TSPAN5: variants seen among roughly 807,000 people sequenced by gnomAD.
TSPAN5 encodes tetraspanin-5.
TSPAN5 carries 10 observed loss-of-function variants against 37.1 expected under a neutral mutation model. The observed-to-expected ratio is 0.27, with a 90% CI of 0.17 to 0.46. TSPAN5 has a LOEUF of 0.46. Ranked by LOEUF, TSPAN5 falls within the 20% of genes least tolerant of loss-of-function variation. The pLI is 1.00. For missense variants in TSPAN5, 195 were observed against 326.6 expected (o/e 0.60, Z 3.11); for synonymous variants, 110 against 118.9 (o/e 0.93, Z 0.48).
chr4:98,616,066 G>C (rs1756327868), intron 1 of TSPAN5, among the ~76,000 whole-genome samples: 1 of 152,038 alleles, frequency 6.6e-6, no homozygotes, highest in Non-Finnish European at 1.5e-5. Context: ...TCTTATCCAA[G>C]CACTAGGTGG....
chr4:98,578,160 GGTCAGGACACAGCCCAA>G (rs1417997470), intron 1 of TSPAN5, among the ~76,000 whole-genome samples: 1 of 152,140 alleles, frequency 6.6e-6, no homozygotes, highest in Non-Finnish European at 1.5e-5. Flanking sequence ...AAAGCTGTGT[GGTCAGGACACAGCCCAA>G]GTCTCACAGA....
At chr4:98,600,678 C>T (rs1755863191) in intron 1 of TSPAN5, among the ~76,000 whole-genome samples, 1 of 152,194 alleles carries the variant, frequency 6.6e-6, no homozygotes, top group Admixed American at 6.5e-5. Flanking sequence ...TGCTGTACCA[C>T]ATCCACTAAA....
At chr4:98,644,150 G>C (rs1757014693) in intron 1 of TSPAN5, among the ~76,000 whole-genome samples, 1 of 151,866 alleles carries the variant, frequency 6.6e-6, no homozygotes, top group South Asian at 2.1e-4. Context: ...TGAAATTGAT[G>C]TTTATTCACA....
chr4:98,610,163 T>C (rs917848685), intron 1 of TSPAN5, among the ~76,000 whole-genome samples: 2 of 152,142 alleles, frequency 1.3e-5, no homozygotes, highest in African/African-American at 4.8e-5. Context: ...GGAAACACAA[T>C]ACCGAGGAGC....
At chr4:98,572,074 A>G (rs1193141755) in intron 1 of TSPAN5, among the ~76,000 whole-genome samples, 1 of 152,136 alleles carries the variant, frequency 6.6e-6, no homozygotes, top group Non-Finnish European at 1.5e-5. Context: ...CCCGGGTTCA[A>G]GTGATTCTCA....
chr4:98,549,067 G>A (rs958531435), intron 1 of TSPAN5, among the ~76,000 whole-genome samples: 19 of 152,028 alleles, frequency 1.2e-4, no homozygotes, highest in Admixed American at 2.0e-4. Flanking sequence ...GTTAGATACC[G>A]GAAATGGGAT....
chr4:98,575,499 C>T (rs1755213373), intron 1 of TSPAN5, among the ~76,000 whole-genome samples: 1 of 149,058 alleles, frequency 6.7e-6, no homozygotes, highest in African/African-American at 2.5e-5. Flanking sequence ...ACCTTGTTCC[C>T]CAGCTCTTTC....
At chr4:98,548,480 C>G (rs1444977982) in intron 1 of TSPAN5, among the ~76,000 whole-genome samples, 1 of 152,048 alleles carries the variant, frequency 6.6e-6, no homozygotes, top group Non-Finnish European at 1.5e-5. Flanking sequence ...TGCTAAATTA[C>G]ATGGTACCAG....
At chr4:98,483,224 G>A (rs1426105015) in intron 3 of TSPAN5, 1 of 152,340 alleles carries the variant, frequency 6.6e-6, no homozygotes, top group African/African-American at 2.4e-5. Context: ...CAGAGGTCCT[G>A]AAGGCCACAT....
chr4:98,548,020 A>C, intron 1 of TSPAN5, among the ~76,000 whole-genome samples: 1 of 133,154 alleles, frequency 7.5e-6, no homozygotes, highest in Non-Finnish European at 1.6e-5. Flanking sequence ...TCAAAAAAAA[A>C]AAAAAAAGAA....
At chr4:98,490,803 G>A (rs1753068218) in intron 2 of TSPAN5, among the ~76,000 whole-genome samples, 1 of 152,182 alleles carries the variant, frequency 6.6e-6, no homozygotes, top group South Asian at 2.1e-4. Context: ...GCTCACGCCT[G>A]TAATCCCAGC....
rs1208811876 is a variant in TSPAN5, at chr4:98,478,881, G to A, written c.451-71C>T. On this transcript the variant is annotated intron_variant, in intron 4 of 7. Transcript: ENST00000305798. ...GCAGTCACCTACACTCACACCCGCCGAACGACACCAGCTTCTGCCAGCTCT... is the reference window on the plus strand; with the variant it reads ...GCAGTCACCTACACTCACACCCGCCAAACGACACCAGCTTCTGCCAGCTCT... The A allele has an allele frequency of 2.0e-5, 31 of 1,568,320 alleles. No homozygotes were observed. In the Admixed American group the frequency reaches 2.5e-4, roughly 13 times the overall value.
At chr4:98,644,598 ACCCAC>A (rs1757024411) in intron 1 of TSPAN5, among the ~76,000 whole-genome samples, 3 of 152,106 alleles carry the variant, frequency 2.0e-5, no homozygotes, top group African/African-American at 7.2e-5. Context: ...GGTGCGCTGC[ACCCAC>A]TAACTCGTCA....
intron 4 of TSPAN5, among the ~76,000 whole-genome samples, chr4:98,481,546 T>C (rs1472994193): frequency 2.0e-5 from 3 of 152,206 alleles, no homozygotes; most frequent in Non-Finnish European, 4.4e-5. Flanking sequence ...TAATAATATT[T>C]GGATAGGCAC....
At chr4:98,592,797 A>G (rs1235625374) in intron 1 of TSPAN5, among the ~76,000 whole-genome samples, 3 of 150,932 alleles carry the variant, frequency 2.0e-5, no homozygotes, top group Admixed American at 6.6e-5. Flanking sequence ...ACAGTATTCC[A>G]TGGTGTATAT....
intron 1 of TSPAN5, among the ~76,000 whole-genome samples, chr4:98,557,962 A>C (rs549455810): frequency 3.3e-5 from 5 of 152,348 alleles, no homozygotes; most frequent in African/African-American, 1.2e-4. Context: ...GAGGTGCCTA[A>C]GAAACCATGA....
chr4:98,515,354 G>A (rs1434814229), intron 1 of TSPAN5, among the ~76,000 whole-genome samples: 1 of 152,148 alleles, frequency 6.6e-6, no homozygotes, highest in Non-Finnish European at 1.5e-5. Context: ...TGAGTGCTTG[G>A]CAAGTATTGT....
At chr4:98,486,552 T>C (rs1752963059) in intron 3 of TSPAN5, 186 bp downstream of exon 3, 4 of 607,638 alleles carry the variant, frequency 6.6e-6, no homozygotes, top group Non-Finnish European at 8.6e-6. Context: ...GGTGGTGTTG[T>C]ACTTATTAAG....
intron 1 of TSPAN5, among the ~76,000 whole-genome samples, chr4:98,650,832 G>A (rs1455186865): frequency 1.3e-5 from 2 of 152,188 alleles, no homozygotes; most frequent in Non-Finnish European, 2.9e-5. Flanking sequence ...GCAAGATGGT[G>A]CTCAAAGACT....
Sources: gnomAD v4.1 joint callset for allele counts (sites outside exome capture counted in the v4.1 genomes callset) on GRCh38, gnomAD v4.1.1 for gene constraint, MANE v1.5 for transcripts, NCBI Gene and HGNC (gene_info 2026-07-23, HGNC 2026-07-21) for gene names.